The following NUMB variants were observed in gnomAD, a reference collection of about 807,000 sequenced individuals.
NUMB encodes protein numb homolog.
Under a neutral mutation model 59.7 loss-of-function variants are expected in NUMB, and 29 were observed. That is an observed-to-expected ratio of 0.49 (90% CI 0.36 to 0.66). NUMB has a LOEUF of 0.66. Ranked by LOEUF, NUMB falls within the 30% of genes least tolerant of loss-of-function variation. The probability of loss-of-function intolerance (pLI) is 0.00; values close to 1 mark genes in which losing one functional copy is unlikely to be tolerated. For synonymous variants in NUMB, 288 were observed against 288.2 expected (o/e 1.00, Z 0.01); for missense variants, 723 against 822.0 (o/e 0.88, Z 1.47).
At chr14:73,421,240 A>T (rs1897334275) in intron 1 of NUMB, among the ~76,000 whole-genome samples, 1 of 152,054 alleles carries the variant, frequency 6.6e-6, no homozygotes, top group Non-Finnish European at 1.5e-5. Flanking sequence ...GCTGGAGTGC[A>T]GTGGTGCAAT....
chr14:73,301,419 AAC>A (rs1268997029), intron 6 of NUMB, among the ~76,000 whole-genome samples: 1 of 152,196 alleles, frequency 6.6e-6, no homozygotes, highest in African/African-American at 2.4e-5. Flanking sequence ...AGGGAAATGT[AAC>A]ATTTTCTTGG....
At chr14:73,377,494 G>A (rs567515704) in intron 2 of NUMB, among the ~76,000 whole-genome samples, 1 of 151,696 alleles carries the variant, frequency 6.6e-6, no homozygotes, top group South Asian at 2.1e-4. Flanking sequence ...ACAAAAATTA[G>A]CTGGGCTTGG....
intron 1 of NUMB, among the ~76,000 whole-genome samples, chr14:73,456,496 ACATACATG>A (rs1884385562): frequency 6.6e-6 from 1 of 152,256 alleles, no homozygotes; most frequent in Non-Finnish European, 1.5e-5. Context: ...GTGACCTAGT[ACATACATG>A]TAGGAGAAAA....
chr14:73,398,384 G>C (rs900759229), intron 2 of NUMB, among the ~76,000 whole-genome samples: 2 of 141,152 alleles, frequency 1.4e-5, no homozygotes, highest in Non-Finnish European at 3.0e-5. Flanking sequence ...ATGAGAGAGA[G>C]ACACACACAG....
intron 2 of NUMB, among the ~76,000 whole-genome samples, chr14:73,402,928 C>T (rs960304928): frequency 1.3e-5 from 2 of 152,144 alleles, no homozygotes; most frequent in Non-Finnish European, 2.9e-5. Context: ...TGAAGTCAAA[C>T]AAACACAATT....
At chr14:73,446,005 T>C (rs1263796343) in intron 1 of NUMB, among the ~76,000 whole-genome samples, 2 of 151,642 alleles carry the variant, frequency 1.3e-5, no homozygotes, top group Non-Finnish European at 2.9e-5. Context: ...TTTTCTTTTT[T>C]TTTTTTTTTG....
chr14:73,425,546 C>T (rs75692044), intron 1 of NUMB, among the ~76,000 whole-genome samples: 5,029 of 152,048 alleles, frequency 0.033, 311 homozygotes, highest in African/African-American at 0.12. Flanking sequence ...TGCCTCAAAA[C>T]GTGCCGTAAT....
At chr14:73,314,428 C>G (rs1010577224) in intron 6 of NUMB, among the ~76,000 whole-genome samples, 1 of 147,900 alleles carries the variant, frequency 6.8e-6, no homozygotes, top group African/African-American at 2.5e-5. Context: ...TTATACCATA[C>G]AAATTCATCA....
In NUMB at chr14:73,418,965, A is replaced by G. The variant is rs556690575; in HGVS notation, c.-232-8897T>C. On this transcript the variant is annotated intron_variant, in intron 1 of 12. Transcript: ENST00000555238. ...TCATCAAGAATAGGACCAAAGAGTC[A>G]CCCTTATAGTTCAAAGCATAATTAC... Among the ~76,000 whole-genome samples the G allele has an allele frequency of 3.0e-4, 46 of 152,294 alleles. 1 individual carries two copies. Among genetic ancestry groups the G allele is most frequent in the African/African-American group, 9.9e-4 (41 of 41,572 alleles).
chr14:73,386,161 C>T (rs1328222574), intron 2 of NUMB, among the ~76,000 whole-genome samples: 1 of 151,928 alleles, frequency 6.6e-6, no homozygotes, highest in African/African-American at 2.4e-5. Flanking sequence ...TCACTTGAGG[C>T]CAGGAGTTTG....
intron 1 of NUMB, among the ~76,000 whole-genome samples, chr14:73,416,199 T>C (rs1393754511): frequency 6.6e-6 from 1 of 152,198 alleles, no homozygotes; most frequent in African/African-American, 2.4e-5. Flanking sequence ...AAGAGCAACT[T>C]AAGCACAACA....
chr14:73,422,956 CAA>C (rs1198238753), intron 1 of NUMB, among the ~76,000 whole-genome samples: 1 of 148,992 alleles, frequency 6.7e-6, no homozygotes, highest in Non-Finnish European at 1.5e-5. Flanking sequence ...ATAGTTTACA[CAA>C]AGTGTTTTTG....
intron 6 of NUMB, among the ~76,000 whole-genome samples, chr14:73,313,687 C>CAAAAAAAAAAAA (rs1890913398): frequency 1.0e-5 from 1 of 97,314 alleles, no homozygotes; most frequent in African/African-American, 4.8e-5. Flanking sequence ...AAAAAAAAAT[C>CAAAAAAAAAAAA]CAAAATCCAT....
intron 2 of NUMB, among the ~76,000 whole-genome samples, chr14:73,367,296 T>TATATATATATATACAC (rs1406816784): frequency 8.3e-6 from 1 of 121,012 alleles, no homozygotes; most frequent in African/African-American, 3.6e-5. Flanking sequence ...TATATATATA[T>TATATATATATATACAC]ACACACACAC....
At chr14:73,429,563 T>C (rs558620257) in intron 1 of NUMB, among the ~76,000 whole-genome samples, 1 of 152,276 alleles carries the variant, frequency 6.6e-6, no homozygotes, top group East Asian at 1.9e-4. Flanking sequence ...CCTTTATCAA[T>C]TTACCAGTTG....
At chr14:73,324,966 T>C (rs1286606909) in intron 4 of NUMB, among the ~76,000 whole-genome samples, 2 of 151,508 alleles carry the variant, frequency 1.3e-5, no homozygotes, top group African/African-American at 2.4e-5. Context: ...TTGACCCATG[T>C]ATCCCTCTCC....
chr14:73,404,284 T>TAAC (rs1397432869), intron 2 of NUMB, among the ~76,000 whole-genome samples: 1 of 150,576 alleles, frequency 6.6e-6, no homozygotes, highest in African/African-American at 2.4e-5. Flanking sequence ...ATAATAATAA[T>TAAC]AATAACATGC....
At chr14:73,405,876 T>C (rs1896638862) in intron 2 of NUMB, among the ~76,000 whole-genome samples, 1 of 152,112 alleles carries the variant, frequency 6.6e-6, no homozygotes, top group African/African-American at 2.4e-5. Context: ...TGTGTAGGTA[T>C]GCATCTGATA....
intron 2 of NUMB, among the ~76,000 whole-genome samples, chr14:73,383,704 G>A (rs1895359537): frequency 6.6e-6 from 1 of 152,086 alleles, no homozygotes; most frequent in Non-Finnish European, 1.5e-5. Flanking sequence ...AAAAACCGAA[G>A]ACATTGCTTC....
Sources: gnomAD v4.1 joint callset for allele counts (sites outside exome capture counted in the v4.1 genomes callset) on GRCh38, gnomAD v4.1.1 for gene constraint, MANE v1.5 for transcripts, NCBI Gene and HGNC (gene_info 2026-07-23, HGNC 2026-07-21) for gene names.